TENM4: variants seen among roughly 807,000 people sequenced by gnomAD.
TENM4 encodes teneurin-4.
Under a neutral mutation model 243.3 loss-of-function variants are expected in TENM4, and 82 were observed. The ratio of observed to expected loss-of-function variants is 0.34; its 90% CI spans 0.28 to 0.40. The LOEUF (loss-of-function observed/expected upper bound fraction) is 0.40, where lower values mean the gene tolerates loss of function less well. Among genes scored for constraint, TENM4 ranks in the 10% least tolerant of loss-of-function variants. The probability of loss-of-function intolerance (pLI) is 1.00; values close to 1 mark genes in which losing one functional copy is unlikely to be tolerated. For missense variants in TENM4, 3,138 were observed against 3,673.3 expected, an observed-to-expected ratio of 0.85 and a Z score of 3.77; for synonymous variants, 1,412 against 1,456.3, an observed-to-expected ratio of 0.97 and a Z score of 0.69.
At chr11:79,158,000 C>A (rs1382062422) in intron 3 of TENM4, among the ~76,000 whole-genome samples, 1 of 152,172 alleles carries the variant, frequency 6.6e-6, no homozygotes, top group African/African-American at 2.4e-5. Flanking sequence ...ACACGTCCTA[C>A]CTGCAAAGCT....
chr11:79,145,448 A>G (rs1862379503), intron 4 of TENM4, among the ~76,000 whole-genome samples: 1 of 152,090 alleles, frequency 6.6e-6, no homozygotes, highest in Non-Finnish European at 1.5e-5. Context: ...AACACAGAGT[A>G]GTTTTACCTG....
In TENM4 at chr11:79,304,986, C is replaced by G. The variant is rs144167564; in HGVS notation, c.-320-7443G>C. Among the ~76,000 whole-genome samples, 10 of 152,308 alleles carry G rather than the reference C, an allele frequency of 6.6e-5. No homozygotes were observed. In the East Asian group the frequency reaches 9.6e-4, roughly 15 times the overall value. On this transcript the variant is annotated intron_variant, in intron 1 of 33. Transcript: ENST00000278550. ...AGGCCCACAGAACCATGTGAGAAAG[C>G]CTTTTTAATAGAAAAACAAAAACAA...
At chr11:79,388,931 C>G (rs1322234882) in intron 1 of TENM4, among the ~76,000 whole-genome samples, 1 of 152,112 alleles carries the variant, frequency 6.6e-6, no homozygotes, top group Non-Finnish European at 1.5e-5. Context: ...GAGCCAAACC[C>G]AGAAATAAGA....
chr11:78,916,416 T>C (rs1856318529), intron 6 of TENM4, among the ~76,000 whole-genome samples: 1 of 152,188 alleles, frequency 6.6e-6, no homozygotes, highest in African/African-American at 2.4e-5. Context: ...AGGGCAGAAA[T>C]CTTATTTGCT....
At chr11:78,818,012 T>G (rs1344018669) in intron 12 of TENM4, among the ~76,000 whole-genome samples, 1 of 152,222 alleles carries the variant, frequency 6.6e-6, no homozygotes, top group Non-Finnish European at 1.5e-5. Context: ...TAGGTTTCAT[T>G]GTTGACTGTG....
chr11:79,075,867 A>G (rs1392123458), intron 4 of TENM4, among the ~76,000 whole-genome samples: 5 of 152,232 alleles, frequency 3.3e-5, no homozygotes, highest in African/African-American at 1.2e-4. Context: ...ATTCATTTTC[A>G]CAAACTGTTG....
intron 18 of TENM4, among the ~76,000 whole-genome samples, chr11:78,758,070 A>C (rs969731731): frequency 6.6e-6 from 1 of 152,210 alleles, no homozygotes. Flanking sequence ...CAAAGAGATA[A>C]GCAGGTAGTG....
chr11:78,761,665 G>A (rs553799714), intron 18 of TENM4, among the ~76,000 whole-genome samples: 1 of 147,058 alleles, frequency 6.8e-6, no homozygotes, highest in South Asian at 2.2e-4. Flanking sequence ...AGATTTCAAG[G>A]TCTTTTGAGG....
At position 78,719,001 on chromosome 11, in the gene TENM4, T is replaced by C. The variant is rs115256767; in HGVS notation, c.3821+1369A>G. Among the ~76,000 whole-genome samples, 199 of 152,284 alleles carry C rather than the reference T, an allele frequency of 1.3e-3. 1 individual carries two copies. The highest frequency in any genetic ancestry group is 4.6e-3 in the African/African-American group (191 of 41,560). On this transcript the variant is annotated intron_variant, in intron 25 of 33. Coordinates refer to ENST00000278550, the MANE Select transcript of TENM4 (RefSeq NM_001098816.3). The stretch of plus-strand genomic sequence containing the variant: ...AGATGGAGACATCATAATTATCATA[T>C]AATAATAATTGTTATGATAATAAAT...
intron 1 of TENM4, among the ~76,000 whole-genome samples, chr11:79,320,443 G>T (rs1025765846): frequency 6.6e-6 from 1 of 152,194 alleles, no homozygotes; most frequent in Non-Finnish European, 1.5e-5. Flanking sequence ...TAATGACGTT[G>T]TAAATTTTTT....
At chr11:78,663,958 G>T (rs1465493049) in intron 32 of TENM4, among the ~76,000 whole-genome samples, 1 of 152,124 alleles carries the variant, frequency 6.6e-6, no homozygotes, top group Non-Finnish European at 1.5e-5. Context: ...GTGGAGTGGT[G>T]GTAGAAAGGG....
intron 10 of TENM4, among the ~76,000 whole-genome samples, chr11:78,861,009 G>T (rs934817167): frequency 6.6e-6 from 1 of 152,250 alleles, no homozygotes; most frequent in Non-Finnish European, 1.5e-5. Flanking sequence ...AAGAACGTCT[G>T]ATAGAGATCA....
At chr11:78,974,046 C>T (rs970079113) in intron 6 of TENM4, among the ~76,000 whole-genome samples, 2 of 152,042 alleles carry the variant, frequency 1.3e-5, no homozygotes, top group African/African-American at 4.8e-5. Context: ...GAGGTAAATG[C>T]TAGGAAATCA....
chr11:79,197,531 C>G (rs1468066651), intron 3 of TENM4, among the ~76,000 whole-genome samples: 1 of 152,076 alleles, frequency 6.6e-6, no homozygotes, highest in Non-Finnish European at 1.5e-5. Context: ...TCACAAGTAC[C>G]CAGAATTCCA....
intron 19 of TENM4, among the ~76,000 whole-genome samples, chr11:78,754,728 T>C (rs1172146667): frequency 6.6e-6 from 1 of 152,124 alleles, no homozygotes; most frequent in East Asian, 1.9e-4. Context: ...CTGGCCAAGA[T>C]AAATGAATAG....
At chr11:79,185,641 T>A (rs1259620892) in intron 3 of TENM4, among the ~76,000 whole-genome samples, 1 of 152,198 alleles carries the variant, frequency 6.6e-6, no homozygotes, top group Non-Finnish European at 1.5e-5. Flanking sequence ...ACTTTCACAT[T>A]GCTTGGACCA....
intron 9 of TENM4, among the ~76,000 whole-genome samples, chr11:78,888,841 G>A (rs1395707155): frequency 1.3e-5 from 2 of 152,154 alleles, no homozygotes; most frequent in East Asian, 1.9e-4. Context: ...TTCTCAAGCT[G>A]GCCCAACCTA....
At chr11:79,435,566 C>T (rs1168805211) in intron 1 of TENM4, among the ~76,000 whole-genome samples, 1 of 152,168 alleles carries the variant, frequency 6.6e-6, no homozygotes, top group African/African-American at 2.4e-5. Context: ...GATTTAAATC[C>T]TATTCTTCTT....
intron 2 of TENM4, among the ~76,000 whole-genome samples, chr11:79,259,763 A>T (rs1855765440): frequency 6.6e-6 from 1 of 152,232 alleles, no homozygotes; most frequent in South Asian, 2.1e-4. Context: ...TCCATTAAAC[A>T]TCTACTATGT....
Sources: allele counts gnomAD v4.1 joint callset (sites outside exome capture counted in the v4.1 genomes callset), GRCh38; gene constraint gnomAD v4.1.1; transcripts MANE v1.5; gene names NCBI Gene and HGNC (gene_info 2026-07-23, HGNC 2026-07-21).